Variants in BPNT1 observed in about 807,000 individuals in gnomAD.
BPNT1 encodes the protein 3'(2'), 5'-bisphosphate nucleotidase 1, also known as 3'(2'),5'-bisphosphate nucleotidase 1.
In BPNT1, 28 loss-of-function variants were observed where a neutral mutation model predicts 36.9. The observed-to-expected ratio is 0.76, with a 90% CI of 0.56 to 1.04. The LOEUF is 1.04. BPNT1 is among the 50% of genes least tolerant of loss of function. The pLI is 0.00. For synonymous variants in BPNT1, 119 were observed against 130.9 expected (o/e 0.91, Z 0.62); for missense variants, 313 against 372.9 (o/e 0.84, Z 1.32).
intron 1 of BPNT1, among the ~76,000 whole-genome samples, chr1:220,084,289 G>A (rs1260482613): frequency 3.3e-5 from 5 of 151,204 alleles, no homozygotes; most frequent in East Asian, 1.9e-4. Context: ...CTGAGATTGC[G>A]GCCACTACAC....
chr1:220,058,724 T>C lies in BPNT1; in HGVS notation c.*120A>G. ...TTTGTATTTTTGTAGAGATGGGGTC[T>C]CACGATATTGCCCAGGCTGGTCTCA... On this transcript the variant is annotated 3_prime_UTR_variant, in exon 9 of 9. Transcript: ENST00000322067. The C allele has an allele frequency of 9.8e-7, 1 of 1,021,042 alleles. No homozygotes were observed. The allele number at this position is 1,021,042 out of a possible 1,614,324, so 63.2% of individuals were successfully genotyped here. A position where few individuals can be genotyped will look rare whatever the true frequency, so the allele number is the denominator to read the frequency against.
chr1:220,058,279 A>G lies in BPNT1; in HGVS notation c.*565T>C, dbSNP rs1662703968. The G allele has an allele frequency of 1.0e-6, 1 of 989,262 alleles. No individual in the cohort carries two copies. Among genetic ancestry groups the G allele is most frequent in the Non-Finnish European group, 1.2e-6 (1 of 831,806 alleles). 61.3% of individuals were successfully genotyped at this position (989,262 alleles called of 1,614,324 possible). Reference sequence around the variant, plus strand: ...AGCTTTTTCTCATTTCTCCACCTAAATACAGGAAAACAAATATAACATATT... The same window carrying G: ...AGCTTTTTCTCATTTCTCCACCTAAGTACAGGAAAACAAATATAACATATT... On this transcript the variant is annotated 3_prime_UTR_variant, in exon 9 of 9. Transcript: ENST00000322067.
chr1:220,074,167 G>C, intron 2 of BPNT1, 96 bp from the exon 3 acceptor site: 1 of 1,114,208 alleles, frequency 9.0e-7, no homozygotes, highest in East Asian at 2.4e-5. Context: ...AGATTACACT[G>C]TCAGTTTTTA....
At chr1:220,068,711 G>A (rs1275165265) in intron 5 of BPNT1, among the ~76,000 whole-genome samples, 2 of 152,050 alleles carry the variant, frequency 1.3e-5, no homozygotes, top group Non-Finnish European at 2.9e-5. Flanking sequence ...CTTGGGAGGT[G>A]AGGCAGGAGA....
chr1:220,073,834 T>G, intron 3 of BPNT1, 133 bp downstream of exon 3: 1 of 848,218 alleles, frequency 1.2e-6, no homozygotes, highest in East Asian at 2.7e-5. Context: ...AGGAATACAA[T>G]AATTACTTTT....
At chr1:220,086,644 C>T (rs1169849704) in intron 1 of BPNT1, among the ~76,000 whole-genome samples, 15 of 151,254 alleles carry the variant, frequency 9.9e-5, no homozygotes, top group Admixed American at 3.3e-4. Context: ...GGCGAGATCA[C>T]GGCTCACTGC....
intron 1 of BPNT1, among the ~76,000 whole-genome samples, chr1:220,081,987 G>A (rs1252963637): frequency 6.7e-6 from 1 of 149,170 alleles, no homozygotes; most frequent in Non-Finnish European, 1.5e-5. Context: ...ATTAACCTGT[G>A]ACAAAAACTT....
intron 6 of BPNT1, among the ~76,000 whole-genome samples, chr1:220,066,525 TA>T (rs1234690221): frequency 1.3e-5 from 2 of 152,206 alleles, no homozygotes; most frequent in African/African-American, 4.8e-5. Flanking sequence ...TCAGAAGTAG[TA>T]TTGCCCACTC....
intron 4 of BPNT1, among the ~76,000 whole-genome samples, chr1:220,071,696 C>T (rs1173770483): frequency 6.6e-6 from 1 of 151,928 alleles, no homozygotes; most frequent in Non-Finnish European, 1.5e-5. Flanking sequence ...TTTCTTTTTT[C>T]TTCTTTTTGA....
chr1:220,066,049 C>A, intron 6 of BPNT1: 1 of 1,511,484 alleles, frequency 6.6e-7, no homozygotes. Context: ...CTAGTGGAGC[C>A]AAAACCCTAG....
At chr1:220,064,492 G>A (rs1026742882) in intron 6 of BPNT1, among the ~76,000 whole-genome samples, 5 of 152,160 alleles carry the variant, frequency 3.3e-5, no homozygotes, top group Admixed American at 1.3e-4. Context: ...CTGACCCTAC[G>A]GGGAGCTGTT....
intron 6 of BPNT1, among the ~76,000 whole-genome samples, chr1:220,064,812 A>T (rs12033581): frequency 1.3e-5 from 2 of 152,024 alleles, no homozygotes; most frequent in East Asian, 3.9e-4. Flanking sequence ...TTATTTTTTT[A>T]TTTTTATTTT....
intron 1 of BPNT1, among the ~76,000 whole-genome samples, chr1:220,081,982 C>T (rs1232791771): frequency 6.7e-6 from 1 of 149,408 alleles, no homozygotes; most frequent in African/African-American, 2.5e-5. Flanking sequence ...GGGGAATTAA[C>T]CTGTGACAAA....
chr1:220,075,456 T>G (rs1299511215), intron 2 of BPNT1, among the ~76,000 whole-genome samples: 1 of 152,244 alleles, frequency 6.6e-6, no homozygotes, highest in African/African-American at 2.4e-5. Flanking sequence ...AGTACTATTC[T>G]GCTAGAATGT....
intron 6 of BPNT1, among the ~76,000 whole-genome samples, chr1:220,063,343 G>A (rs939678676): frequency 6.6e-6 from 1 of 152,092 alleles, no homozygotes; most frequent in African/African-American, 2.4e-5. Context: ...GCAAGACTCC[G>A]TCTCAAAAAA....
intron 1 of BPNT1, among the ~76,000 whole-genome samples, chr1:220,085,143 A>C (rs980006131): frequency 6.6e-6 from 1 of 152,154 alleles, no homozygotes; most frequent in African/African-American, 2.4e-5. Flanking sequence ...GGTCCCTTTT[A>C]GCCTTTTTCA....
In BPNT1 at chr1:220,057,959, C is replaced by T. The variant is rs777324100; in HGVS notation, c.*885G>A. ...TTGGGAGTCCGAGGCAGACAGATCACGATGTCAGGAGATCAAGACCATCCT... is the reference window on the plus strand; with the variant it reads ...TTGGGAGTCCGAGGCAGACAGATCATGATGTCAGGAGATCAAGACCATCCT... On this transcript the variant is annotated 3_prime_UTR_variant, in exon 9 of 9. Transcript: ENST00000322067. The T allele has an allele frequency of 2.6e-5, 22 of 853,656 alleles. No individual in the cohort carries two copies. Among genetic ancestry groups the T allele is most frequent in the East Asian group, 6.5e-5 (1 of 15,380 alleles). 52.9% of individuals were successfully genotyped at this position (853,656 alleles called of 1,614,324 possible).
Position 220,067,394 on chromosome 1 carries a change from C to A in BPNT1, c.383-1G>T. On this transcript the variant is annotated splice_acceptor_variant, in intron 5 of 8. Transcript: ENST00000322067. LOFTEE classifies it high-confidence loss of function. ...AGAACTGTTACATTGTCAAGAAGAC[C>A]TGCAAAGAAGAAATAAATATCAGTT... is the stretch of plus-strand genomic sequence containing the variant. The A allele has an allele frequency of 1.3e-6, 2 of 1,596,168 alleles. No individual in the cohort carries two copies. The highest frequency in any genetic ancestry group is 8.6e-7 in the Non-Finnish European group (1 of 1,169,072).
chr1:220,083,918 A>G (rs1655459303), intron 1 of BPNT1, among the ~76,000 whole-genome samples: 1 of 152,056 alleles, frequency 6.6e-6, no homozygotes, highest in Middle Eastern at 3.2e-3. Context: ...ATAACTATAT[A>G]TAATGTGTTT....
Sources: allele counts gnomAD v4.1 joint callset (sites outside exome capture counted in the v4.1 genomes callset), GRCh38; gene constraint gnomAD v4.1.1; transcripts MANE v1.5; gene names NCBI Gene and HGNC (gene_info 2026-07-23, HGNC 2026-07-21).